Variants in ARHGAP18 observed in about 807,000 individuals in gnomAD.
ARHGAP18 encodes Rho GTPase activating protein 18, also known as rho GTPase-activating protein 18.
A neutral mutation model predicts 86.2 loss-of-function variants in ARHGAP18; 67 were observed. The observed-to-expected ratio is 0.78, with a 90% CI of 0.64 to 0.95. The LOEUF is 0.95. Among genes scored for constraint, ARHGAP18 ranks in the 40% least tolerant of loss-of-function variants. The pLI is 0.00. For synonymous variants in ARHGAP18, 283 were observed against 280.4 expected, an observed-to-expected ratio of 1.01 and a Z score of -0.09; for missense variants, 691 against 780.4, an observed-to-expected ratio of 0.89 and a Z score of 1.37.
At chr6:129,648,669 CTTTGT>C (rs1320739003) in intron 1 of ARHGAP18, among the ~76,000 whole-genome samples, 1 of 151,100 alleles carries the variant, frequency 6.6e-6, no homozygotes, top group African/African-American at 2.4e-5. Flanking sequence ...TTTTAAGAAA[CTTTGT>C]TTTGTAAATT....
chr6:129,605,964 A>T lies in ARHGAP18; in HGVS notation c.1283-5T>A. 6.2e-7 allele frequency: 1 copy of T among 1,612,450 alleles called. No individual in the cohort carries two copies. The highest frequency in any genetic ancestry group is 1.3e-5 in the African/African-American group (1 of 74,988). On this transcript the variant is annotated splice_polypyrimidine_tract_variant and splice_region_variant and intron_variant, in intron 9 of 14. Coordinates refer to ENST00000368149, the MANE Select transcript of ARHGAP18 (RefSeq NM_033515.3). Reference sequence around the variant, plus strand: ...GCTGCTTCTTGGTTGGAAGATCTGCAGACAAATTAAATAAATCTGAACTCT... The same window carrying T: ...GCTGCTTCTTGGTTGGAAGATCTGCTGACAAATTAAATAAATCTGAACTCT...
At chr6:129,677,677 T>C (rs796136978) in intron 1 of ARHGAP18, among the ~76,000 whole-genome samples, 15 of 152,350 alleles carry the variant, frequency 9.8e-5, no homozygotes, top group African/African-American at 3.6e-4. Flanking sequence ...ATGAAAGACG[T>C]AAAATAACAA....
chr6:129,635,537 A>G (rs1773314618), intron 3 of ARHGAP18, among the ~76,000 whole-genome samples: 1 of 152,258 alleles, frequency 6.6e-6, no homozygotes, highest in South Asian at 2.1e-4. Context: ...CCAGTCTCAC[A>G]AAAGAACACA....
intron 1 of ARHGAP18, among the ~76,000 whole-genome samples, chr6:129,697,863 C>A (rs1231837118): frequency 2.0e-5 from 3 of 152,284 alleles, no homozygotes; most frequent in Middle Eastern, 3.4e-3. Flanking sequence ...AGATGATATA[C>A]CATAACTTTG....
Position 129,605,095 on chromosome 6 carries a change from G to A in ARHGAP18, c.1365+782C>T, listed in dbSNP as rs576788286. On this transcript the variant is annotated intron_variant, in intron 10 of 14. Transcript: ENST00000368149. ...TTACCCATATAAAAAATATTTTTAA[G>A]GCAAGGGAAAAACTTAAGATAATAC... Among the ~76,000 whole-genome samples the A allele has an allele frequency of 2.0e-5, 3 of 152,194 alleles. No homozygotes were observed. The South Asian group carries it at 6.2e-4, about 32-fold the overall frequency.
chr6:129,688,149 C>T (rs551144817), intron 1 of ARHGAP18, among the ~76,000 whole-genome samples: 13 of 152,174 alleles, frequency 8.5e-5, no homozygotes, highest in Non-Finnish European at 1.9e-4. Flanking sequence ...CCAGTCTTTT[C>T]TTCTCCTCCC....
At chr6:129,679,391 C>T (rs140616514) in intron 1 of ARHGAP18, among the ~76,000 whole-genome samples, 38 of 152,236 alleles carry the variant, frequency 2.5e-4, no homozygotes, top group African/African-American at 7.7e-4. Context: ...GAAACATAGC[C>T]GGAAAAGCAG....
chr6:129,620,882 G>T lies in ARHGAP18; in HGVS notation c.787-2030C>A, dbSNP rs137965728. Among the ~76,000 whole-genome samples, 383 of 152,144 alleles carry T rather than the reference G, an allele frequency of 2.5e-3. 1 individual carries two copies. The highest frequency in any genetic ancestry group is 4.2e-3 in the Non-Finnish European group (287 of 67,994). On this transcript the variant is annotated intron_variant, in intron 5 of 14. Coordinates refer to ENST00000368149, the MANE Select transcript of ARHGAP18 (RefSeq NM_033515.3). ...TTGCCTTTTACACTCTCATTCTCTC[G>T]TGAGTATAGTTTTCCAGATGTAAAT...
chr6:129,621,631 C>T (rs560272969), intron 5 of ARHGAP18, among the ~76,000 whole-genome samples: 3 of 151,934 alleles, frequency 2.0e-5, no homozygotes, highest in Admixed American at 6.6e-5. Flanking sequence ...AAGGTTGTGG[C>T]GAAGATCAAA....
At chr6:129,660,320 G>A (rs556220989) in intron 1 of ARHGAP18, among the ~76,000 whole-genome samples, 45 of 152,336 alleles carry the variant, frequency 3.0e-4, no homozygotes, top group African/African-American at 1.0e-3. Context: ...AATCCAAAGG[G>A]CATTGGTAGA....
intron 5 of ARHGAP18, among the ~76,000 whole-genome samples, chr6:129,628,613 T>G (rs917117025): frequency 6.6e-6 from 1 of 152,190 alleles, no homozygotes; most frequent in African/African-American, 2.4e-5. Context: ...TCTCTTCTGA[T>G]GATGCAATCG....
chr6:129,586,529 T>C (rs1209750170), intron 12 of ARHGAP18, among the ~76,000 whole-genome samples: 2 of 152,142 alleles, frequency 1.3e-5, no homozygotes, highest in Non-Finnish European at 2.9e-5. Context: ...AGTCATAGTG[T>C]CAAATATCCT....
At chr6:129,610,272 T>C (rs2114459961) in intron 8 of ARHGAP18, among the ~76,000 whole-genome samples, 1 of 152,346 alleles carries the variant, frequency 6.6e-6, no homozygotes, top group East Asian at 1.9e-4. Context: ...ATATGCAGTA[T>C]GCATCCCCTG....
chr6:129,684,717 T>G (rs1466165704), intron 1 of ARHGAP18, among the ~76,000 whole-genome samples: 1 of 152,198 alleles, frequency 6.6e-6, no homozygotes, highest in Non-Finnish European at 1.5e-5. Context: ...ATCTGGTGAC[T>G]TTCACGTGTT....
chr6:129,649,448 G>A (rs1052476802), intron 1 of ARHGAP18, among the ~76,000 whole-genome samples: 2 of 151,246 alleles, frequency 1.3e-5, no homozygotes, highest in African/African-American at 4.9e-5. Context: ...CAGCTACTCT[G>A]GAGGCTGAGG....
intron 12 of ARHGAP18, among the ~76,000 whole-genome samples, chr6:129,593,956 A>T (rs536509852): frequency 8.1e-4 from 124 of 152,278 alleles, no homozygotes; most frequent in Non-Finnish European, 6.2e-4. Flanking sequence ...GCCCAATTAT[A>T]AACGGTTAGT....
At chr6:129,642,151 A>AT in intron 1 of ARHGAP18, 133 bp from the exon 2 acceptor site, 1 of 761,912 alleles carries the variant, frequency 1.3e-6, no homozygotes, top group Non-Finnish European at 2.1e-6. Context: ...AGGAATATAT[A>AT]TTTTGGAACA....
At chr6:129,590,823 T>C (rs1788493790) in intron 12 of ARHGAP18, among the ~76,000 whole-genome samples, 1 of 152,204 alleles carries the variant, frequency 6.6e-6, no homozygotes, top group Non-Finnish European at 1.5e-5. Flanking sequence ...TTTGTGTGTC[T>C]ATGGGATATG....
At chr6:129,656,592 C>T (rs182189965) in intron 1 of ARHGAP18, among the ~76,000 whole-genome samples, 4 of 151,830 alleles carry the variant, frequency 2.6e-5, no homozygotes, top group South Asian at 2.1e-4. Flanking sequence ...TGCAGTGAGC[C>T]GAGATCGCAC....
Sources: gnomAD v4.1 joint callset for allele counts (sites outside exome capture counted in the v4.1 genomes callset) on GRCh38, gnomAD v4.1.1 for gene constraint, MANE v1.5 for transcripts, NCBI Gene and HGNC (gene_info 2026-07-23, HGNC 2026-07-21) for gene names.